CCSER1: variants seen among roughly 807,000 people sequenced by gnomAD.
CCSER1 encodes the protein coiled-coil serine rich protein 1.
Under a neutral mutation model 82.0 loss-of-function variants are expected in CCSER1, and 41 were observed. The observed-to-expected ratio is 0.50, with a 90% CI of 0.39 to 0.65. The LOEUF is 0.65. CCSER1 is among the 30% of genes least tolerant of loss of function. The pLI is 0.00. For missense variants in CCSER1, 1,119 were observed against 1,064.2 expected (o/e 1.05, Z -0.72); for synonymous variants, 414 against 383.9 (o/e 1.08, Z -0.92).
At chr4:91,260,006 G>A (rs891453871) in intron 10 of CCSER1, among the ~76,000 whole-genome samples, 3 of 152,200 alleles carry the variant, frequency 2.0e-5, no homozygotes, top group Non-Finnish European at 2.9e-5. Context: ...ATAGCTGAAT[G>A]TTTGAGTATG....
intron 6 of CCSER1, among the ~76,000 whole-genome samples, chr4:90,650,248 G>T (rs973354036): frequency 6.6e-6 from 1 of 151,700 alleles, no homozygotes; most frequent in East Asian, 1.9e-4. Flanking sequence ...CAAACAGAAA[G>T]AAAAGAAAGG....
At chr4:91,124,626 G>T (rs1727351841) in intron 10 of CCSER1, among the ~76,000 whole-genome samples, 1 of 151,592 alleles carries the variant, frequency 6.6e-6, no homozygotes, top group South Asian at 2.1e-4. Context: ...ACCTGTTTTA[G>T]TTTATTATCT....
chr4:90,216,760 G>A (rs1035194992), intron 1 of CCSER1, among the ~76,000 whole-genome samples: 12 of 152,170 alleles, frequency 7.9e-5, no homozygotes, highest in African/African-American at 2.4e-4. Flanking sequence ...TATTTAGGCT[G>A]GTTTTCGGTT....
chr4:91,446,389 C>T (rs1221188011), intron 10 of CCSER1, among the ~76,000 whole-genome samples: 1 of 151,936 alleles, frequency 6.6e-6, no homozygotes, highest in Non-Finnish European at 1.5e-5. Context: ...TAACCATTTA[C>T]ATGTCAGAAG....
Position 91,452,848 on chromosome 4 carries a change from A to C in CCSER1, c.2218-145724A>C, listed in dbSNP as rs139147299. ...TTTTTTTCTAGCTCATTTTCCTGCA[A>C]ATGAAATCTCTGCCTTACATTGTCC... On this transcript the variant is annotated intron_variant, in intron 10 of 10. Coordinates refer to ENST00000509176, the MANE Select transcript of CCSER1 (RefSeq NM_001145065.2). Among the ~76,000 whole-genome samples the C allele has an allele frequency of 5.3e-4, 81 of 152,178 alleles. 1 individual carries two copies. Among genetic ancestry groups the C allele is most frequent in the African/African-American group, 1.8e-3 (76 of 41,554 alleles).
chr4:91,596,726 A>G (rs947643831), intron 10 of CCSER1, among the ~76,000 whole-genome samples: 5 of 152,094 alleles, frequency 3.3e-5, no homozygotes, highest in African/African-American at 1.2e-4. Flanking sequence ...TTTCCTTTCT[A>G]CACCAAATTA....
chr4:91,581,916 C>T (rs1240539976), intron 10 of CCSER1, among the ~76,000 whole-genome samples: 4 of 151,476 alleles, frequency 2.6e-5, no homozygotes, highest in Non-Finnish European at 1.5e-5. Context: ...AGTTGAGAAC[C>T]ACTGATTTAC....
intron 10 of CCSER1, among the ~76,000 whole-genome samples, chr4:91,245,299 A>G (rs928578759): frequency 6.6e-6 from 1 of 152,194 alleles, no homozygotes; most frequent in East Asian, 1.9e-4. Flanking sequence ...AGAAGATTAT[A>G]AAACACAAAG....
chr4:90,832,504 C>A (rs552058254), intron 8 of CCSER1, among the ~76,000 whole-genome samples: 239 of 152,054 alleles, frequency 1.6e-3, no homozygotes, highest in Non-Finnish European at 2.8e-3. Context: ...TTGATGATCC[C>A]TCTTTTGTGA....
At chr4:91,437,936 C>T (rs537999413) in intron 10 of CCSER1, among the ~76,000 whole-genome samples, 2,420 of 152,292 alleles carry the variant, frequency 0.016, 27 homozygotes, top group Middle Eastern at 0.037. Flanking sequence ...GGAGGGGCGC[C>T]CGCCATTGCC....
intron 5 of CCSER1, among the ~76,000 whole-genome samples, chr4:90,610,339 C>T (rs1251377450): frequency 6.6e-6 from 1 of 151,888 alleles, no homozygotes. Context: ...CAAAAGATCG[C>T]AAGGAATCTG....
At chr4:91,380,911 T>G (rs1419284247) in intron 10 of CCSER1, among the ~76,000 whole-genome samples, 2 of 152,214 alleles carry the variant, frequency 1.3e-5, no homozygotes, top group Non-Finnish European at 2.9e-5. Flanking sequence ...TGTTTAGTGC[T>G]TCCTTCAGGA....
chr4:90,135,522 A>G (rs1039971867), intron 1 of CCSER1, among the ~76,000 whole-genome samples: 4 of 152,352 alleles, frequency 2.6e-5, no homozygotes, highest in South Asian at 4.1e-4. Flanking sequence ...AGTATGCTTC[A>G]TTTCAATACT....
At chr4:90,612,899 T>C (rs1324103354) in intron 5 of CCSER1, among the ~76,000 whole-genome samples, 1 of 152,098 alleles carries the variant, frequency 6.6e-6, no homozygotes, top group African/African-American at 2.4e-5. Flanking sequence ...GGGCATAGCA[T>C]TGGTGTATTT....
At chr4:90,977,604 T>C (rs1478436910) in intron 9 of CCSER1, among the ~76,000 whole-genome samples, 2 of 151,682 alleles carry the variant, frequency 1.3e-5, no homozygotes, top group African/African-American at 2.4e-5. Context: ...GTTAATTTCC[T>C]ATTCATTCTT....
chr4:91,111,247 A>T (rs1726070409), intron 10 of CCSER1, among the ~76,000 whole-genome samples: 1 of 152,018 alleles, frequency 6.6e-6, no homozygotes. Context: ...GACACTCATC[A>T]CTTTTATCTA....
intron 10 of CCSER1, among the ~76,000 whole-genome samples, chr4:91,569,041 G>T (rs1370206538): frequency 6.6e-6 from 1 of 152,166 alleles, no homozygotes; most frequent in Non-Finnish European, 1.5e-5. Flanking sequence ...TTCTCACCAG[G>T]CCAAGGCTTT....
At chr4:90,358,076 T>C (rs1196668812) in intron 3 of CCSER1, among the ~76,000 whole-genome samples, 2 of 152,112 alleles carry the variant, frequency 1.3e-5, no homozygotes, top group Admixed American at 1.3e-4. Context: ...GAGATAACTT[T>C]TAGTTTTTAT....
chr4:91,084,817 G>T (rs13150007), intron 9 of CCSER1, among the ~76,000 whole-genome samples: 50,093 of 151,788 alleles, frequency 0.33, 8,759 homozygotes, highest in South Asian at 0.43. Context: ...AAATAAAATG[G>T]TTTAGTTAAT....
Sources: allele counts gnomAD v4.1 joint callset (sites outside exome capture counted in the v4.1 genomes callset), GRCh38; gene constraint gnomAD v4.1.1; transcripts MANE v1.5; gene names NCBI Gene and HGNC (gene_info 2026-07-23, HGNC 2026-07-21).